MLYCD: variants seen among roughly 807,000 people sequenced by gnomAD.
MLYCD encodes malonyl-CoA decarboxylase.
Under a neutral mutation model 35.8 loss-of-function variants are expected in MLYCD, and 27 were observed. That is an observed-to-expected ratio of 0.75 (90% CI 0.56 to 1.04). The LOEUF is 1.04. Ranked by LOEUF, MLYCD falls within the 50% of genes least tolerant of loss-of-function variation. The pLI is 0.00. For missense variants in MLYCD, 917 were observed against 665.1 expected, an observed-to-expected ratio of 1.38 and a Z score of -4.17; for synonymous variants, 403 against 302.4, an observed-to-expected ratio of 1.33 and a Z score of -3.45.
chr16:83,907,478 G>GC (rs1458601035), intron 2 of MLYCD, among the ~76,000 whole-genome samples: 1 of 152,170 alleles, frequency 6.6e-6, no homozygotes. Context: ...CCACCTGGTG[G>GC]TTAAGATTTC....
At chr16:83,907,622 T>C (rs1345085479) in intron 2 of MLYCD, among the ~76,000 whole-genome samples, 1 of 152,206 alleles carries the variant, frequency 6.6e-6, no homozygotes, top group East Asian at 1.9e-4. Context: ...TGTTGTCCCA[T>C]GGAATCCATG....
In MLYCD at chr16:83,923,945, T is replaced by C. The variant is rs1003537561; in HGVS notation, c.*8456T>C. On this transcript the variant is annotated 3_prime_UTR_variant, in exon 5 of 5. Coordinates refer to ENST00000262430, the MANE Select transcript of MLYCD (RefSeq NM_012213.3). ...GACAGGGGGTGTTAGGGTGCTGACA[T>C]TCTGGCAAGGGGGCGGGGGTCTGTG... 6.6e-6 allele frequency: 1 copy of C among 152,164 alleles called. No homozygotes were observed. The highest frequency in any genetic ancestry group is 1.5e-5 in the Non-Finnish European group (1 of 68,118). 9.4% of individuals were successfully genotyped at this position (152,164 alleles called of 1,614,324 possible).
intron 3 of MLYCD, among the ~76,000 whole-genome samples, chr16:83,909,603 T>A (rs1348687702): frequency 6.6e-6 from 1 of 150,718 alleles, no homozygotes; most frequent in Non-Finnish European, 1.5e-5. Context: ...ACCCTGTGAT[T>A]TAGGTGGTGG....
In MLYCD at chr16:83,916,261, G is replaced by A. The variant is rs1272930875; in HGVS notation, c.*772G>A. The A allele has an allele frequency of 8.4e-6, 8 of 956,206 alleles. No individual in the cohort carries two copies. Among genetic ancestry groups the A allele is most frequent in the Non-Finnish European group, 1.0e-5 (8 of 801,532 alleles). 59.2% of individuals were successfully genotyped at this position (956,206 alleles called of 1,614,324 possible). A position where few individuals can be genotyped will look rare whatever the true frequency, so the allele number is the denominator to read the frequency against. ...GAATCAGCCAGCCAGCCTACGGGGA[G>A]TTTGGGATGAAGGAGCCTGGGGTGT... is the stretch of plus-strand genomic sequence containing the variant. On this transcript the variant is annotated 3_prime_UTR_variant, in exon 5 of 5. Coordinates refer to ENST00000262430, the MANE Select transcript of MLYCD (RefSeq NM_012213.3).
chr16:83,924,726 T>C lies in MLYCD; in HGVS notation c.*9237T>C, dbSNP rs1391772143. The C allele has an allele frequency of 1.3e-5, 2 of 152,026 alleles. No homozygotes were observed. Among genetic ancestry groups the C allele is most frequent in the Non-Finnish European group, 2.9e-5 (2 of 67,990 alleles). 9.4% of individuals were successfully genotyped at this position (152,026 alleles called of 1,614,324 possible). Reference sequence around the variant, plus strand: ...TCCAGAGAGAACTGGCCATTTGCAGTCTCCACCCCAGTGTGGCTCACGATG... The same window carrying C: ...TCCAGAGAGAACTGGCCATTTGCAGCCTCCACCCCAGTGTGGCTCACGATG... On this transcript the variant is annotated 3_prime_UTR_variant, in exon 5 of 5. Transcript: ENST00000262430.
At chr16:83,907,731 C>T (rs371565139) in intron 2 of MLYCD, among the ~76,000 whole-genome samples, 1 of 152,054 alleles carries the variant, frequency 6.6e-6, no homozygotes, top group Non-Finnish European at 1.5e-5. Flanking sequence ...AGCGGTGGGG[C>T]GAGATTGCTG....
intron 3 of MLYCD, among the ~76,000 whole-genome samples, chr16:83,909,485 G>A (rs1480418606): frequency 6.6e-6 from 1 of 152,174 alleles, no homozygotes; most frequent in African/African-American, 2.4e-5. Flanking sequence ...GGTTTATAGA[G>A]TAGCATGGGT....
chr16:83,905,888 C>G (rs1906956342), intron 1 of MLYCD, among the ~76,000 whole-genome samples: 1 of 152,250 alleles, frequency 6.6e-6, no homozygotes, highest in East Asian at 1.9e-4. Flanking sequence ...GGCGACGCTG[C>G]TCCTGCTCAG....
chr16:83,908,290 C>T lies in MLYCD; in HGVS notation c.798+8C>T, dbSNP rs199720670. Reference sequence around the variant, plus strand: ...ATCTCCAGCAACATCCAGGTACCTGCGATGGTCAATTCGGGACAAGATGGG... The same window carrying T: ...ATCTCCAGCAACATCCAGGTACCTGTGATGGTCAATTCGGGACAAGATGGG... On this transcript the variant is annotated splice_region_variant and intron_variant, in intron 3 of 4. Transcript: ENST00000262430. 213 of 1,613,522 alleles carry T rather than the reference C, an allele frequency of 1.3e-4. No homozygotes were observed. The highest frequency in any genetic ancestry group is 2.9e-4 in the East Asian group (13 of 44,866).
rs370278897 is a variant in MLYCD, at chr16:83,915,243, C to T, written c.1236C>T (p.Arg412=). The T allele has an allele frequency of 7.5e-4, 1,203 of 1,612,932 alleles. 3 individuals are homozygous for T. The highest frequency in any genetic ancestry group is 3.6e-3 in the South Asian group (325 of 91,066). ...GGTACCTGTATGGAGAGAAGCACCG[C>T]GGCTACGCGCTGAACCCCGTGGCCA... is the stretch of plus-strand genomic sequence containing the variant. The part of the protein sequence containing the change: ...CAWYLYGEKH[R]GYALNPVANF... The change falls in exon 5 of 5, where the codon CGC becomes CGT. Residue 412 remains arginine, a synonymous_variant. Transcript: ENST00000262430.
rs767436209 is a variant in MLYCD, at chr16:83,899,548, C to T, written c.404C>T (p.Pro135Leu). 7 of 1,592,478 alleles carry T rather than the reference C, an allele frequency of 4.4e-6. No homozygotes were observed. The highest frequency in any genetic ancestry group is 5.9e-6 in the Non-Finnish European group (7 of 1,177,494). The change falls in exon 1 of 5, where the codon CCG becomes CTG. Residue 135 changes from proline (P) to leucine (L), a missense_variant. Transcript: ENST00000262430. ...AEDRLRYALV[P>L]RYRGLFHHIS... ...GACCGGCTGCGCTACGCGCTGGTGC[C>T]GCGCTATCGCGGCCTCTTCCACCAC...
intron 1 of MLYCD, among the ~76,000 whole-genome samples, chr16:83,903,827 C>T (rs1372229979): frequency 6.6e-6 from 1 of 152,164 alleles, no homozygotes; most frequent in Non-Finnish European, 1.5e-5. Flanking sequence ...CCCTTAGCAT[C>T]ACCAGGATAT....
intron 1 of MLYCD, among the ~76,000 whole-genome samples, chr16:83,904,227 C>A (rs529302463): frequency 3.9e-5 from 6 of 152,176 alleles, no homozygotes; most frequent in Admixed American, 3.3e-4. Flanking sequence ...GTACCTCTTA[C>A]GCAGAGCTCA....
chr16:83,913,565 C>T (rs569447972), intron 4 of MLYCD: 2 of 152,318 alleles, frequency 1.3e-5, no homozygotes, highest in African/African-American at 2.4e-5. Context: ...CGCAGTGGCT[C>T]ACGCCTGTAA....
chr16:83,920,746 G>A lies in MLYCD; in HGVS notation c.*5257G>A, dbSNP rs749827882. On this transcript the variant is annotated 3_prime_UTR_variant, in exon 5 of 5. Coordinates refer to ENST00000262430, the MANE Select transcript of MLYCD (RefSeq NM_012213.3). Reference sequence around the variant, plus strand: ...AATTTCAAACATATGTAAAAGCAGGGAGAAATTGCATAACGAACCTACAGA... The same window carrying A: ...AATTTCAAACATATGTAAAAGCAGGAAGAAATTGCATAACGAACCTACAGA... 2 of 152,222 alleles carry A rather than the reference G, an allele frequency of 1.3e-5. No individual in the cohort carries two copies. The highest frequency in any genetic ancestry group is 2.9e-5 in the Non-Finnish European group (2 of 68,044). The allele number at this position is 152,222 out of a possible 1,614,324, so 9.4% of individuals were successfully genotyped here.
intron 2 of MLYCD, among the ~76,000 whole-genome samples, chr16:83,907,426 C>G (rs531129583): frequency 7.9e-5 from 12 of 152,320 alleles, no homozygotes; most frequent in Admixed American, 4.6e-4. Context: ...TAGAAACTCA[C>G]TGGACCAAGC....
rs1907386426 is a variant in MLYCD, at chr16:83,916,355, T to C, written c.*866T>C. The C allele has an allele frequency of 4.9e-6, 1 of 203,936 alleles. No homozygotes were observed. Among genetic ancestry groups the C allele is most frequent in the Admixed American group, 6.5e-5 (1 of 15,402 alleles). 12.6% of individuals were successfully genotyped at this position (203,936 alleles called of 1,614,324 possible). A position where few individuals can be genotyped will look rare whatever the true frequency, so the allele number is the denominator to read the frequency against. On this transcript the variant is annotated 3_prime_UTR_variant, in exon 5 of 5. Transcript: ENST00000262430. ...TGTGGGAGGAAGGCAGTTGTGTTTG[T>C]GTGTGTATGTGTGTATCAGTGCACA...
intron 4 of MLYCD, chr16:83,912,873 G>T: frequency 4.9e-6 from 1 of 202,166 alleles, no homozygotes; most frequent in East Asian, 1.2e-4. Flanking sequence ...CAGCTCGAAG[G>T]TAAATGCATC....
intron 4 of MLYCD, chr16:83,914,728 A>G (rs1907309532): frequency 3.5e-6 from 2 of 577,310 alleles, no homozygotes; most frequent in Admixed American, 2.9e-5. Flanking sequence ...GCAGTGAGCC[A>G]TGATGACACC....
Sources: gnomAD v4.1 joint callset for allele counts (sites outside exome capture counted in the v4.1 genomes callset) on GRCh38, gnomAD v4.1.1 for gene constraint, MANE v1.5 for transcripts, NCBI Gene and HGNC (gene_info 2026-07-23, HGNC 2026-07-21) for gene names.